Variants in GABRA4 observed in about 807,000 individuals in gnomAD.
GABRA4 encodes the protein gamma-aminobutyric acid type A receptor subunit alpha4.
Under a neutral mutation model 49.7 loss-of-function variants are expected in GABRA4, and 12 were observed. The ratio of observed to expected loss-of-function variants is 0.24; its 90% confidence interval spans 0.15 to 0.39. The LOEUF is 0.39. GABRA4 is among the 10% of genes least tolerant of loss of function. The pLI is 1.00. For missense variants in GABRA4, 506 were observed against 686.0 expected, an observed-to-expected ratio of 0.74 and a Z score of 2.93; for synonymous variants, 288 against 240.2, an observed-to-expected ratio of 1.20 and a Z score of -1.84.
intron 2 of GABRA4, among the ~76,000 whole-genome samples, chr4:46,988,068 C>A (rs1237689694): frequency 6.6e-6 from 1 of 152,118 alleles, no homozygotes; most frequent in Non-Finnish European, 1.5e-5. Flanking sequence ...ACCTTCAGAC[C>A]TTTGCACTTA....
intron 8 of GABRA4, among the ~76,000 whole-genome samples, chr4:46,930,547 A>T (rs2109936313): frequency 6.6e-6 from 1 of 152,196 alleles, no homozygotes; most frequent in African/African-American, 2.4e-5. Context: ...AATATATTCA[A>T]GAACCAAACT....
intron 6 of GABRA4, among the ~76,000 whole-genome samples, chr4:46,971,637 A>G (rs2109385827): frequency 6.6e-6 from 1 of 151,572 alleles, no homozygotes; most frequent in East Asian, 1.9e-4. Context: ...ACACATACAC[A>G]GACACTGACA....
chr4:46,926,108 A>G lies in GABRA4; in HGVS notation c.*2117T>C, dbSNP rs1229829277. The G allele has an allele frequency of 6.6e-6, 1 of 151,270 alleles. No individual in the cohort carries two copies. The highest frequency in any genetic ancestry group is 2.4e-5 in the African/African-American group (1 of 41,226). 9.4% of individuals were successfully genotyped at this position (151,270 alleles called of 1,614,324 possible). A position where few individuals can be genotyped will look rare whatever the true frequency, so the allele number is the denominator to read the frequency against. On this transcript the variant is annotated 3_prime_UTR_variant, in exon 9 of 9. Transcript: ENST00000264318. ...CAACAACAACAACAACAACAACAAA[A>G]CCAGCCTTTTCATCAGAATAGTGAA...
At chr4:46,931,028 T>G (rs542409847) in intron 8 of GABRA4, among the ~76,000 whole-genome samples, 104 of 151,626 alleles carry the variant, frequency 6.9e-4, no homozygotes, top group African/African-American at 2.5e-3. Context: ...ATGGCTAGAG[T>G]TCACAGGACA....
intron 8 of GABRA4, among the ~76,000 whole-genome samples, chr4:46,938,933 AAAAATAAACAC>A (rs2109345366): frequency 6.6e-6 from 1 of 152,186 alleles, no homozygotes; most frequent in Non-Finnish European, 1.5e-5. Context: ...AGAATCACAA[AAAAATAAACAC>A]AAAATGGTAT....
At chr4:46,957,551 T>C (rs1255563791) in intron 8 of GABRA4, among the ~76,000 whole-genome samples, 2 of 151,964 alleles carry the variant, frequency 1.3e-5, no homozygotes, top group Non-Finnish European at 2.9e-5. Context: ...AAGAAAGTCG[T>C]TATTATGGGA....
chr4:46,957,512 T>C (rs910605018), intron 8 of GABRA4, among the ~76,000 whole-genome samples: 16 of 151,952 alleles, frequency 1.1e-4, no homozygotes, highest in Non-Finnish European at 2.1e-4. Flanking sequence ...ATGCATACAG[T>C]AGAGAATTTT....
intron 3 of GABRA4, among the ~76,000 whole-genome samples, chr4:46,978,166 T>C (rs1723210478): frequency 6.6e-6 from 1 of 152,070 alleles, no homozygotes; most frequent in African/African-American, 2.4e-5. Flanking sequence ...AAACTAAATA[T>C]ATTTAATATA....
chr4:46,928,779 T>C (rs1721330502), intron 8 of GABRA4, 24 bp from the exon 9 acceptor site: 4 of 1,507,740 alleles, frequency 2.7e-6, no homozygotes, highest in South Asian at 1.2e-5. Context: ...TGAAAAAATA[T>C]ATTGGTTATG....
intron 2 of GABRA4, among the ~76,000 whole-genome samples, chr4:46,985,158 C>T (rs968793350): frequency 3.3e-5 from 5 of 151,610 alleles, no homozygotes; most frequent in Admixed American, 1.3e-4. Context: ...TTAAAAGCAT[C>T]GAAAGATTAT....
chr4:46,993,283 A>C, intron 1 of GABRA4, 56 bp downstream of exon 1: 4 of 1,446,974 alleles, frequency 2.8e-6, no homozygotes, highest in Non-Finnish European at 3.9e-6. Context: ...GGGGTCCCGG[A>C]GCTAGCCATT....
chr4:46,951,372 A>G (rs1043531535), intron 8 of GABRA4, among the ~76,000 whole-genome samples: 4 of 151,560 alleles, frequency 2.6e-5, no homozygotes, highest in Non-Finnish European at 2.9e-5. Context: ...CATTGACTCA[A>G]TCAACAAATA....
rs1721136552 is a variant in GABRA4 at position 46,924,383 on chromosome 4, C to T, written c.*3842G>A. ...GATGAGTATCACTCTAGTTTTGGCC[C>T]TGCTGTATTCTACTGAAGCATTAGT... On this transcript the variant is annotated 3_prime_UTR_variant, in exon 9 of 9. Coordinates refer to ENST00000264318, the MANE Select transcript of GABRA4 (RefSeq NM_000809.4). 6.6e-6 allele frequency: 1 copy of T among 152,008 alleles called. No individual in the cohort carries two copies. Among genetic ancestry groups the T allele is most frequent in the South Asian group, 2.1e-4 (1 of 4,828 alleles). The allele number at this position is 152,008 out of a possible 1,614,324, so 9.4% of individuals were successfully genotyped here.
At chr4:46,988,194 A>AT (rs999730429) in intron 2 of GABRA4, among the ~76,000 whole-genome samples, 39 of 151,628 alleles carry the variant, frequency 2.6e-4, no homozygotes, top group African/African-American at 7.5e-4. Flanking sequence ...TCCCTCACCC[A>AT]TTTTTTTTCC....
intron 2 of GABRA4, among the ~76,000 whole-genome samples, chr4:46,979,623 C>T (rs922717578): frequency 7.9e-5 from 12 of 152,060 alleles, no homozygotes; most frequent in African/African-American, 2.9e-4. Context: ...GGATCAAAGA[C>T]AAACTTTCTT....
intron 8 of GABRA4, among the ~76,000 whole-genome samples, chr4:46,940,251 A>G (rs1721744871): frequency 6.6e-6 from 1 of 152,122 alleles, no homozygotes; most frequent in Non-Finnish European, 1.5e-5. Context: ...TTCAAGATAT[A>G]TGGTAAAACT....
At chr4:46,989,012 G>C (rs754333986) in intron 2 of GABRA4, among the ~76,000 whole-genome samples, 1 of 152,196 alleles carries the variant, frequency 6.6e-6, no homozygotes, top group African/African-American at 2.4e-5. Context: ...GTCCACTAAT[G>C]TGAAGTCCTA....
Position 46,919,408 on chromosome 4 carries a change from A to G in GABRA4, c.*8817T>C, listed in dbSNP as rs1720891916. 6.6e-6 allele frequency: 1 copy of G among 151,616 alleles called. No homozygotes were observed. Among genetic ancestry groups the G allele is most frequent in the South Asian group, 2.1e-4 (1 of 4,836 alleles). The allele number at this position is 151,616 out of a possible 1,614,324, so 9.4% of individuals were successfully genotyped here. On this transcript the variant is annotated 3_prime_UTR_variant, in exon 9 of 9. Coordinates refer to ENST00000264318, the MANE Select transcript of GABRA4 (RefSeq NM_000809.4). ...TTTCAGGGAGTCAAATGTGATTACT[A>G]AAACCTCAAGAAATGTGTTCTTGAG... is the stretch of plus-strand genomic sequence containing the variant.
At chr4:46,958,640 AGCT>A (rs1722452208) in intron 8 of GABRA4, among the ~76,000 whole-genome samples, 1 of 151,960 alleles carries the variant, frequency 6.6e-6, no homozygotes, top group Admixed American at 6.6e-5. Flanking sequence ...GAAACAGAAC[AGCT>A]GGTTTGCCTT....
Sources: allele counts gnomAD v4.1 joint callset (sites outside exome capture counted in the v4.1 genomes callset), GRCh38; gene constraint gnomAD v4.1.1; transcripts MANE v1.5; gene names NCBI Gene and HGNC (gene_info 2026-07-23, HGNC 2026-07-21).